The following OR3A3 variants were observed in gnomAD, a reference collection of about 807,000 sequenced individuals.
The protein encoded by OR3A3 is olfactory receptor 3A3.
For missense variants in OR3A3, 275 were observed against 391.4 expected, an observed-to-expected ratio of 0.70 and a Z score of 2.51; for synonymous variants, 103 against 163.9, an observed-to-expected ratio of 0.63 and a Z score of 2.84.
exon 3 of OR3A3, chr17:3,421,342 A>G: frequency 6.2e-7 from 1 of 1,614,200 alleles, no homozygotes; most frequent in Non-Finnish European, 8.5e-7. Flanking sequence ...TGTGGTGGGC[A>G]TCTTCTATGG....
At position 3,419,900 on chromosome 17, in the gene OR3A3, G is replaced by C. The variant is rs1450587610; in HGVS notation, c.-6-680G>C. On this transcript the variant is annotated intron_variant, in intron 2 of 2. Transcript: ENST00000641141. ...CCTGCCTCAGCCTCCCGAGTAGCTG[G>C]GACTACAGGCGCCTGCCACCAAGCC... 2.6e-5 allele frequency among the ~76,000 whole-genome samples: 4 copies of C among 151,818 alleles called. No individual in the cohort carries two copies. The East Asian group carries it at 5.8e-4, about 22-fold the overall frequency.
intron 2 of OR3A3, among the ~76,000 whole-genome samples, chr17:3,418,736 T>TA (rs145593874): frequency 0.013 from 2,050 of 152,280 alleles, 54 homozygotes; most frequent in African/African-American, 0.046. Context: ...CCCTTTCTGT[T>TA]AGAGTTATCA....
chr17:3,417,473 A>T (rs2072399409), intron 2 of OR3A3, among the ~76,000 whole-genome samples: 1 of 152,084 alleles, frequency 6.6e-6, no homozygotes, highest in South Asian at 2.1e-4. Context: ...ATCCCCATAT[A>T]CGTCTTACAG....
intron 2 of OR3A3, among the ~76,000 whole-genome samples, chr17:3,419,595 C>T (rs1186212885): frequency 6.6e-6 from 1 of 152,232 alleles, no homozygotes; most frequent in Non-Finnish European, 1.5e-5. Flanking sequence ...TTTTACAAAG[C>T]ATATGCCAAT....
At chr17:3,415,449 T>C (rs2072384597) in intron 2 of OR3A3, among the ~76,000 whole-genome samples, 1 of 151,112 alleles carries the variant, frequency 6.6e-6, no homozygotes, top group Admixed American at 6.6e-5. Context: ...TAGTCCCAGC[T>C]ACTCGGGAGG....
chr17:3,415,828 T>C (rs1336399051), intron 2 of OR3A3, among the ~76,000 whole-genome samples: 2 of 145,370 alleles, frequency 1.4e-5, no homozygotes, highest in Non-Finnish European at 3.0e-5. Context: ...TTATTATTAT[T>C]ATTATTATTA....
At chr17:3,413,674 G>A (rs1842946) in intron 2 of OR3A3, among the ~76,000 whole-genome samples, 2 of 151,892 alleles carry the variant, frequency 1.3e-5, no homozygotes, top group East Asian at 1.9e-4. Flanking sequence ...TTAGCCGGGC[G>A]TGGTGGCAGG....
At chr17:3,421,108 A>G (rs912020264) in exon 3 of OR3A3, 11 of 1,613,898 alleles carry the variant, frequency 6.8e-6, no homozygotes, top group East Asian at 2.2e-5. Context: ...CTGTGGCCCC[A>G]ATGAGGTCAA....
intron 2 of OR3A3, among the ~76,000 whole-genome samples, chr17:3,418,546 C>G (rs1393448711): frequency 2.0e-5 from 3 of 152,184 alleles, no homozygotes; most frequent in Non-Finnish European, 4.4e-5. Flanking sequence ...CCAAAGAAGA[C>G]CATGCCACCA....
At chr17:3,412,509 C>G (rs2072367906) in intron 2 of OR3A3, among the ~76,000 whole-genome samples, 1 of 147,574 alleles carries the variant, frequency 6.8e-6, no homozygotes, top group South Asian at 2.2e-4. Context: ...GGCTGGAGTT[C>G]CAGAGCAGGG....
chr17:3,421,491 C>T (rs372610786), exon 3 of OR3A3: 65 of 1,549,818 alleles, frequency 4.2e-5, no homozygotes, highest in Middle Eastern at 3.5e-4. Flanking sequence ...ATGTTCAGGG[C>T]GCTCTGTGTC....
chr17:3,421,569 G>A (rs769052201), exon 3 of OR3A3: 1 of 1,513,480 alleles, frequency 6.6e-7, no homozygotes, highest in Non-Finnish European at 8.8e-7. Context: ...CTGGACCGAG[G>A]AAAATTTCCC....
chr17:3,415,237 T>A (rs1250182207), intron 2 of OR3A3, among the ~76,000 whole-genome samples: 1 of 152,006 alleles, frequency 6.6e-6, no homozygotes, highest in Non-Finnish European at 1.5e-5. Flanking sequence ...TTACTTTTTA[T>A]CTTGAAATTT....
At chr17:3,418,518 C>T (rs1475143086) in intron 2 of OR3A3, among the ~76,000 whole-genome samples, 1 of 152,206 alleles carries the variant, frequency 6.6e-6, no homozygotes, top group African/African-American at 2.4e-5. Context: ...TCCTCTGCTT[C>T]TCAGATCCAA....
At chr17:3,416,656 A>C (rs2072393743) in intron 2 of OR3A3, among the ~76,000 whole-genome samples, 1 of 151,996 alleles carries the variant, frequency 6.6e-6, no homozygotes, top group Non-Finnish European at 1.5e-5. Flanking sequence ...TTCATAGAAA[A>C]CTTTTATAAC....
chr17:3,420,919 G>A (rs1454405594), exon 3 of OR3A3: 6 of 1,607,308 alleles, frequency 3.7e-6, no homozygotes, highest in East Asian at 2.2e-5. Flanking sequence ...CCTTCTGGCT[G>A]GGATGGACTG....
chr17:3,414,204 T>TG (rs1170475886), intron 2 of OR3A3, among the ~76,000 whole-genome samples: 4 of 152,268 alleles, frequency 2.6e-5, no homozygotes, highest in Admixed American at 1.3e-4. Flanking sequence ...CCCGAGTAGC[T>TG]GGGACTACAG....
chr17:3,421,177 A>C (rs1450205746), exon 3 of OR3A3: 1 of 1,613,950 alleles, frequency 6.2e-7, no homozygotes, highest in Non-Finnish European at 8.5e-7. Context: ...CACCCAACTC[A>C]ATGAGCTGCT....
chr17:3,412,379 C>T (rs1320225999), intron 2 of OR3A3, among the ~76,000 whole-genome samples: 2 of 146,794 alleles, frequency 1.4e-5, no homozygotes, highest in Admixed American at 6.9e-5. Flanking sequence ...TGCCTGTTAG[C>T]ATGAGTGTGA....
Sources: allele counts gnomAD v4.1 joint callset (sites outside exome capture counted in the v4.1 genomes callset), GRCh38; gene constraint gnomAD v4.1.1; transcripts MANE v1.5; gene names NCBI Gene and HGNC (gene_info 2026-07-23, HGNC 2026-07-21).